Variants in DIP2B observed in about 807,000 individuals in gnomAD.
DIP2B encodes DIP2 acetate--CoA ligase B (putative), also known as disco-interacting protein 2 homolog B.
Under a neutral mutation model 198.0 loss-of-function variants are expected in DIP2B, and 76 were observed. The ratio of observed to expected loss-of-function variants is 0.38; its 90% confidence interval spans 0.32 to 0.46. The LOEUF (loss-of-function observed/expected upper bound fraction) is 0.46, where lower values mean the gene tolerates loss of function less well. DIP2B is among the 20% of genes least tolerant of loss of function. The pLI, the probability that DIP2B is intolerant of heterozygous loss-of-function variation, is 0.99. For missense variants in DIP2B, 1,559 were observed against 1,978.4 expected, an observed-to-expected ratio of 0.79 and a Z score of 4.02; for synonymous variants, 701 against 739.1, an observed-to-expected ratio of 0.95 and a Z score of 0.84.
intron 1 of DIP2B, among the ~76,000 whole-genome samples, chr12:50,588,580 A>C (rs1408612024): frequency 1.3e-5 from 2 of 152,152 alleles, no homozygotes; most frequent in Non-Finnish European, 2.9e-5. Context: ...TTTTTGGGGA[A>C]TGCTGTCTGA....
At chr12:50,695,404 A>T (rs1175675049) in intron 15 of DIP2B, 44 bp downstream of exon 15, 1 of 1,550,596 alleles carries the variant, frequency 6.4e-7, no homozygotes, top group African/African-American at 1.4e-5. Flanking sequence ...TGACTGTTTG[A>T]ATTAAGATTT....
intron 1 of DIP2B, among the ~76,000 whole-genome samples, chr12:50,619,477 C>G (rs1366219240): frequency 6.6e-6 from 1 of 152,142 alleles, no homozygotes; most frequent in Non-Finnish European, 1.5e-5. Context: ...GTCGTCTGCT[C>G]CGTGAAGCAT....
In DIP2B at chr12:50,608,729, T is replaced by C. The variant is rs1055491678; in HGVS notation, c.101-17247T>C. The stretch of plus-strand genomic sequence containing the variant: ...CTCTTAATGCGTGTTCCTAGATAAT[T>C]TTACATTAGTTTAAAAGTTTCTTTG... On this transcript the variant is annotated intron_variant, in intron 1 of 37. Transcript: ENST00000301180. Among the ~76,000 whole-genome samples, 109 of 152,142 alleles carry C rather than the reference T, an allele frequency of 7.2e-4. 1 individual carries two copies. Among genetic ancestry groups the C allele is most frequent in the African/African-American group, 2.4e-3 (100 of 41,418 alleles).
intron 1 of DIP2B, among the ~76,000 whole-genome samples, chr12:50,583,376 C>T (rs1478308090): frequency 1.3e-5 from 2 of 151,896 alleles, no homozygotes; most frequent in Non-Finnish European, 2.9e-5. Context: ...GTACTTGTTT[C>T]ATCTGAACCC....
intron 34 of DIP2B, 112 bp downstream of exon 34, chr12:50,735,242 A>G: frequency 8.4e-7 from 1 of 1,193,734 alleles, no homozygotes; most frequent in Non-Finnish European, 1.2e-6. Flanking sequence ...CTTAATTGAA[A>G]TCTGGAGATA....
intron 10 of DIP2B, among the ~76,000 whole-genome samples, chr12:50,685,245 T>A (rs1410421770): frequency 6.6e-6 from 1 of 152,238 alleles, no homozygotes; most frequent in Non-Finnish European, 1.5e-5. Context: ...TTTGTGTGGT[T>A]TCATAATGAT....
At chr12:50,693,148 T>C (rs2090852) in intron 14 of DIP2B, 135 bp downstream of exon 14, 258,109 of 784,562 alleles carry the variant, frequency 0.33, 43,562 homozygotes, top group Middle Eastern at 0.36. Context: ...TTCCAGAGGC[T>C]ATATAACCTT....
At chr12:50,570,188 AAAATCTTGATATCTTG>A (rs1182131615) in intron 1 of DIP2B, among the ~76,000 whole-genome samples, 2 of 152,228 alleles carry the variant, frequency 1.3e-5, no homozygotes, top group African/African-American at 2.4e-5. Flanking sequence ...TATCCGATTT[AAAATCTTGATATCTTG>A]AAATCTTGAT....
At chr12:50,708,201 G>T (rs1939549709) in intron 21 of DIP2B, among the ~76,000 whole-genome samples, 8 of 152,008 alleles carry the variant, frequency 5.3e-5, no homozygotes, top group Admixed American at 5.2e-4. Flanking sequence ...ACATATAAGT[G>T]CCACAAAGAC....
At chr12:50,688,897 T>C (rs1939176298) in intron 12 of DIP2B, among the ~76,000 whole-genome samples, 1 of 152,186 alleles carries the variant, frequency 6.6e-6, no homozygotes, top group Admixed American at 6.5e-5. Context: ...TCTGGCCTTA[T>C]TAGAACTTCT....
chr12:50,646,651 G>T (rs1938356211), intron 3 of DIP2B, among the ~76,000 whole-genome samples: 1 of 151,996 alleles, frequency 6.6e-6, no homozygotes, highest in African/African-American at 2.4e-5. Flanking sequence ...CAAACTCCTG[G>T]CCTCAAGTGA....
chr12:50,740,030 T>C (rs1940213106), intron 36 of DIP2B, among the ~76,000 whole-genome samples: 1 of 152,234 alleles, frequency 6.6e-6, no homozygotes, highest in Non-Finnish European at 1.5e-5. Flanking sequence ...TGTCTTGCGT[T>C]GGACACAGCC....
At chr12:50,595,879 C>T (rs1234987333) in intron 1 of DIP2B, among the ~76,000 whole-genome samples, 4 of 152,190 alleles carry the variant, frequency 2.6e-5, no homozygotes, top group South Asian at 2.1e-4. Context: ...GTGCTCCCAC[C>T]GTCTCCTCCT....
intron 1 of DIP2B, among the ~76,000 whole-genome samples, chr12:50,537,536 A>G (rs1958281811): frequency 6.6e-6 from 1 of 152,072 alleles, no homozygotes; most frequent in Non-Finnish European, 1.5e-5. Flanking sequence ...ATGTGGGAAG[A>G]CCATCCCAGT....
chr12:50,626,119 A>G (rs886372353), intron 2 of DIP2B, 72 bp downstream of exon 2: 6 of 1,486,114 alleles, frequency 4.0e-6, no homozygotes, highest in Non-Finnish European at 5.6e-6. Flanking sequence ...CAAGACCTCT[A>G]TCTTTTGTTT....
chr12:50,543,337 T>C lies in DIP2B; in HGVS notation c.100+38097T>C, dbSNP rs561400900. 9.2e-5 allele frequency among the ~76,000 whole-genome samples: 14 copies of C among 152,128 alleles called. No individual in the cohort carries two copies. In the East Asian group the frequency reaches 2.5e-3, roughly 27 times the overall value. Reference sequence around the variant, plus strand: ...GACAGAGTCTCGCTGTCACCTAGGCTGGAGTGCAGTGGCGCAATCTTGGCT... The same window carrying C: ...GACAGAGTCTCGCTGTCACCTAGGCCGGAGTGCAGTGGCGCAATCTTGGCT... On this transcript the variant is annotated intron_variant, in intron 1 of 37. Coordinates refer to ENST00000301180, the MANE Select transcript of DIP2B (RefSeq NM_173602.3).
At chr12:50,531,171 G>C (rs923525111) in intron 1 of DIP2B, among the ~76,000 whole-genome samples, 2 of 152,104 alleles carry the variant, frequency 1.3e-5, no homozygotes, top group Non-Finnish European at 2.9e-5. Flanking sequence ...TCAGCCTCCC[G>C]AGTAGCTGGG....
At chr12:50,574,491 A>G (rs1339947478) in intron 1 of DIP2B, among the ~76,000 whole-genome samples, 2 of 152,256 alleles carry the variant, frequency 1.3e-5, no homozygotes, top group Admixed American at 6.5e-5. Flanking sequence ...TGGAGAGGTC[A>G]TATGCAGTAT....
In DIP2B at chr12:50,728,572, C is replaced by T. The variant is rs186582875; in HGVS notation, c.3535C>T (p.Leu1179=). The part of the protein sequence containing the change: ...VKMSHSAVNA[L]CRAIKLQCEL... Reference sequence around the variant, plus strand: ...GATGTCCCACTCTGCAGTGAACGCTCTGTGTCGAGCCATCAAGCTCCAGTG... The same window carrying T: ...GATGTCCCACTCTGCAGTGAACGCTTTGTGTCGAGCCATCAAGCTCCAGTG... Residue 1179 remains leucine, a synonymous_variant, in exon 30 of 38, where the codon CTG becomes TTG. Transcript: ENST00000301180. 1 of 1,614,116 alleles carries T rather than the reference C, an allele frequency of 6.2e-7. No individual in the cohort carries two copies. Among genetic ancestry groups the T allele is most frequent in the Non-Finnish European group, 8.5e-7 (1 of 1,180,012 alleles).
Sources: allele counts gnomAD v4.1 joint callset (sites outside exome capture counted in the v4.1 genomes callset), GRCh38; gene constraint gnomAD v4.1.1; transcripts MANE v1.5; gene names NCBI Gene and HGNC (gene_info 2026-07-23, HGNC 2026-07-21).